The following NRXN3 variants were observed in gnomAD, a reference collection of about 807,000 sequenced individuals.
NRXN3 encodes neurexin III.
A neutral mutation model predicts 137.6 loss-of-function variants in NRXN3; 32 were observed. The observed-to-expected ratio is 0.23, with a 90% CI of 0.18 to 0.31. The LOEUF is 0.31. Among genes scored for constraint, NRXN3 ranks in the 10% least tolerant of loss-of-function variants. NRXN3 has a pLI of 1.00. For synonymous variants in NRXN3, 798 were observed against 784.5 expected, an observed-to-expected ratio of 1.02 and a Z score of -0.29; for missense variants, 1,574 against 2,062.5, an observed-to-expected ratio of 0.76 and a Z score of 4.59.
chr14:79,818,046 G>GTTTTTT (rs55815632), intron 20 of NRXN3, among the ~76,000 whole-genome samples: 4 of 90,318 alleles, frequency 4.4e-5, no homozygotes, highest in Admixed American at 1.2e-4. Flanking sequence ...GTGCACTTGG[G>GTTTTTT]TTTTTTTTTT....
chr14:78,373,504 G>A (rs371044044), intron 4 of NRXN3, among the ~76,000 whole-genome samples: 24 of 152,352 alleles, frequency 1.6e-4, no homozygotes, highest in South Asian at 1.2e-3. Flanking sequence ...GTAAAGCCAT[G>A]TGGTTGTGTA....
chr14:78,840,966 C>T (rs543294618), intron 10 of NRXN3, among the ~76,000 whole-genome samples: 1 of 152,158 alleles, frequency 6.6e-6, no homozygotes, highest in Non-Finnish European at 1.5e-5. Context: ...TCTTTACTGA[C>T]TTATGAGGTG....
At chr14:79,674,378 C>T (rs1214672578) in intron 17 of NRXN3, among the ~76,000 whole-genome samples, 1 of 151,870 alleles carries the variant, frequency 6.6e-6, no homozygotes, top group African/African-American at 2.4e-5. Context: ...TCAAAATAAA[C>T]ACATTCATCG....
At chr14:78,630,885 G>C (rs148861620) in intron 4 of NRXN3, among the ~76,000 whole-genome samples, 11 of 152,264 alleles carry the variant, frequency 7.2e-5, no homozygotes, top group African/African-American at 2.6e-4. Context: ...GATTACAGAC[G>C]TGAGCCGCTG....
At chr14:79,701,000 A>C (rs1267514930) in intron 19 of NRXN3, among the ~76,000 whole-genome samples, 2 of 152,078 alleles carry the variant, frequency 1.3e-5, no homozygotes, top group Non-Finnish European at 2.9e-5. Flanking sequence ...GTGCTCAGTA[A>C]ATATTTACTG....
intron 10 of NRXN3, among the ~76,000 whole-genome samples, chr14:78,952,355 AAATTTTGTGGACAG>A (rs1183024251): frequency 6.6e-6 from 1 of 152,236 alleles, no homozygotes; most frequent in African/African-American, 2.4e-5. Context: ...CCAGAAGCTG[AAATTTTGTGGACAG>A]AACATAAAAC....
At chr14:78,741,564 A>G (rs2098572723) in intron 8 of NRXN3, among the ~76,000 whole-genome samples, 1 of 152,208 alleles carries the variant, frequency 6.6e-6, no homozygotes, top group Admixed American at 6.5e-5. Context: ...AATGCATACA[A>G]CTTGATGAGT....
At chr14:79,076,130 C>T (rs2045931594) in intron 15 of NRXN3, among the ~76,000 whole-genome samples, 1 of 152,190 alleles carries the variant, frequency 6.6e-6, no homozygotes, top group South Asian at 2.1e-4. Flanking sequence ...GAGACACGTG[C>T]TGGCCATCAT....
In NRXN3 at chr14:79,741,801, TACACACAC is replaced by T. The variant is rs34107894; in HGVS notation, c.4014+43886_4014+43893del. Among the ~76,000 whole-genome samples, 1,269 of 146,914 alleles carry T rather than the reference TACACACAC, an allele frequency of 8.6e-3. 16 individuals are homozygous for T. The highest frequency in any genetic ancestry group is 0.03 in the African/African-American group (1,203 of 40,198). On this transcript the variant is annotated intron_variant, in intron 19 of 20. Coordinates refer to ENST00000335750, the MANE Select transcript of NRXN3 (RefSeq NM_001330195.2). ...ATACCTGGCCAAAATGTGTATACAT[TACACACAC>T]ACACACACACACACACACACAGAGT...
intron 15 of NRXN3, among the ~76,000 whole-genome samples, chr14:79,360,334 A>G (rs1242258870): frequency 6.6e-6 from 1 of 152,188 alleles, no homozygotes; most frequent in Non-Finnish European, 1.5e-5. Flanking sequence ...TGAACTCCTG[A>G]CCTCAGGTGG....
chr14:78,431,917 G>T (rs2160076), intron 4 of NRXN3, among the ~76,000 whole-genome samples: 4,009 of 152,124 alleles, frequency 0.026, 170 homozygotes, highest in African/African-American at 0.084. Context: ...AAGGCTCATA[G>T]GTCAGTAAGC....
chr14:78,719,293 G>A lies in NRXN3; in HGVS notation c.2044+4154G>A, dbSNP rs562683713. On this transcript the variant is annotated intron_variant, in intron 8 of 20. Transcript: ENST00000335750. ...GACATATGCACCAGCTGAACACGAA[G>A]AATACAAGTATTTTTACTTCTCTCC... Among the ~76,000 whole-genome samples, 15 of 152,290 alleles carry A rather than the reference G, an allele frequency of 9.8e-5. No homozygotes were observed. The South Asian group carries it at 2.5e-3, about 25-fold the overall frequency.
chr14:78,376,524 T>C (rs1001068280), intron 4 of NRXN3, among the ~76,000 whole-genome samples: 2 of 152,114 alleles, frequency 1.3e-5, no homozygotes. Context: ...ATAAGAAGAC[T>C]CTGAAACATG....
intron 20 of NRXN3, among the ~76,000 whole-genome samples, chr14:79,816,014 A>T (rs1196995304): frequency 6.6e-6 from 1 of 152,152 alleles, no homozygotes; most frequent in Non-Finnish European, 1.5e-5. Flanking sequence ...TTTTGCAATC[A>T]GTTGTCATAA....
chr14:78,840,882 T>C (rs1186377885), intron 10 of NRXN3, among the ~76,000 whole-genome samples: 1 of 152,196 alleles, frequency 6.6e-6, no homozygotes, highest in African/African-American at 2.4e-5. Flanking sequence ...ATACTATTAG[T>C]ACTTATCAGC....
chr14:79,005,769 CTGTGTGTG>C (rs2099551209), intron 15 of NRXN3, among the ~76,000 whole-genome samples: 3 of 150,942 alleles, frequency 2.0e-5, no homozygotes, highest in Non-Finnish European at 2.9e-5. Flanking sequence ...ACATGTTTAC[CTGTGTGTG>C]ACTTTTTTTT....
chr14:79,418,105 A>C (rs1227305897), intron 15 of NRXN3, among the ~76,000 whole-genome samples: 1 of 152,166 alleles, frequency 6.6e-6, no homozygotes, highest in Admixed American at 6.6e-5. Flanking sequence ...CAAAACCTTC[A>C]TGTGCTTTGT....
intron 10 of NRXN3, among the ~76,000 whole-genome samples, chr14:78,868,826 A>T (rs2099094169): frequency 6.7e-6 from 1 of 148,402 alleles, no homozygotes. Flanking sequence ...CATCTCAAAA[A>T]AATAAAATAA....
At chr14:79,349,299 T>A (rs2093070994) in intron 15 of NRXN3, among the ~76,000 whole-genome samples, 1 of 151,540 alleles carries the variant, frequency 6.6e-6, no homozygotes. Flanking sequence ...CCGGAATCTT[T>A]AAAAAAAATC....
Sources: gnomAD v4.1 joint callset for allele counts (sites outside exome capture counted in the v4.1 genomes callset) on GRCh38, gnomAD v4.1.1 for gene constraint, MANE v1.5 for transcripts, NCBI Gene and HGNC (gene_info 2026-07-23, HGNC 2026-07-21) for gene names.